PTPRS: variants seen among roughly 807,000 people sequenced by gnomAD.
PTPRS encodes the protein protein tyrosine phosphatase receptor type S.
In PTPRS, 63 loss-of-function variants were observed where a neutral mutation model predicts 215.3. The ratio of observed to expected loss-of-function variants is 0.29; its 90% CI spans 0.24 to 0.36. The LOEUF is 0.36. PTPRS is among the 10% of genes least tolerant of loss of function. The probability of loss-of-function intolerance (pLI) is 1.00; values close to 1 mark genes in which losing one functional copy is unlikely to be tolerated. For missense variants in PTPRS, 2,258 were observed against 2,825.8 expected (o/e 0.80, Z 4.56); for synonymous variants, 1,404 against 1,191.4 (o/e 1.18, Z -3.68).
chr19:5,258,039 TGAG>T lies in PTPRS; in HGVS notation c.681_683del (p.Ser228del). 1 of 1,613,932 alleles carries T rather than the reference TGAG, an allele frequency of 6.2e-7. No homozygotes were observed. Among genetic ancestry groups the T allele is most frequent in the Non-Finnish European group, 8.5e-7 (1 of 1,179,942 alleles). The stretch of plus-strand genomic sequence containing the variant: ...TACCTCGCACGTAGAGGTTGGCAGG[TGAG>T]GAGTAGCGCACGCCGGCGCTGTTGG... On this transcript the variant is annotated inframe_deletion, in exon 8 of 38. Transcript: ENST00000262963.
chr19:5,336,259 GA>G (rs1319300483), intron 1 of PTPRS, among the ~76,000 whole-genome samples: 2 of 89,276 alleles, frequency 2.2e-5, no homozygotes, highest in Non-Finnish European at 4.2e-5. Context: ...TTCCTTAAAG[GA>G]AAAGGGGGGG....
intron 1 of PTPRS, among the ~76,000 whole-genome samples, chr19:5,322,459 G>T (rs923564999): frequency 3.3e-5 from 5 of 152,150 alleles, no homozygotes; most frequent in African/African-American, 1.2e-4. Context: ...TGCGGGGGTG[G>T]GAGGAAGAAG....
At chr19:5,245,754 G>C in intron 10 of PTPRS, 22 bp downstream of exon 10, 2 of 1,542,494 alleles carry the variant, frequency 1.3e-6, no homozygotes, top group Non-Finnish European at 1.8e-6. Context: ...CTCCACCTAC[G>C]AGCCCCATGG....
intron 2 of PTPRS, among the ~76,000 whole-genome samples, chr19:5,285,788 T>G (rs551045143): frequency 3.3e-5 from 5 of 152,166 alleles, no homozygotes; most frequent in Non-Finnish European, 4.4e-5. Flanking sequence ...TGGGGCTGAG[T>G]TGATGCTGGG....
At chr19:5,323,750 G>A (rs968864189) in intron 1 of PTPRS, among the ~76,000 whole-genome samples, 4 of 152,230 alleles carry the variant, frequency 2.6e-5, no homozygotes, top group Non-Finnish European at 5.9e-5. Flanking sequence ...TTTCCCCCAA[G>A]AGGTGAGAGC....
rs1412063527 is a variant in PTPRS at position 5,222,674 on chromosome 19, T to C, written c.3103+15A>G. On this transcript the variant is annotated intron_variant, in intron 18 of 37. Coordinates refer to ENST00000262963, the MANE Select transcript of PTPRS (RefSeq NM_002850.4). ...GCCCGGTCCGGCTCTGGTGCAGGGG[T>C]CGCCGCGCGCCTACCTTGGTCCCGC... The C allele has an allele frequency of 1.3e-6, 2 of 1,541,940 alleles. No individual in the cohort carries two copies. Among genetic ancestry groups the C allele is most frequent in the East Asian group, 2.4e-5 (1 of 42,354 alleles).
intron 1 of PTPRS, among the ~76,000 whole-genome samples, chr19:5,308,372 C>A (rs1253182425): frequency 6.6e-6 from 1 of 152,166 alleles, no homozygotes; most frequent in East Asian, 1.9e-4. Context: ...CATCCATCGT[C>A]CCCCCAGACT....
intron 1 of PTPRS, among the ~76,000 whole-genome samples, chr19:5,333,889 G>A (rs149261827): frequency 2.2e-4 from 34 of 152,242 alleles, no homozygotes; most frequent in East Asian, 1.2e-3. Flanking sequence ...ATGCATGCTC[G>A]CTCGCACACC....
chr19:5,239,389 AG>A (rs1193677322), intron 12 of PTPRS, among the ~76,000 whole-genome samples: 2 of 151,492 alleles, frequency 1.3e-5, no homozygotes, highest in African/African-American at 2.4e-5. Flanking sequence ...ATAGAGACAG[AG>A]GGACACAGTG....
intron 4 of PTPRS, among the ~76,000 whole-genome samples, chr19:5,266,527 C>T (rs553032703): frequency 1.1e-4 from 16 of 152,066 alleles, no homozygotes; most frequent in South Asian, 1.0e-3. Flanking sequence ...ACTCCACGCC[C>T]GGCTAATTTT....
At chr19:5,243,203 T>C (rs2044197168) in intron 11 of PTPRS, among the ~76,000 whole-genome samples, 1 of 151,908 alleles carries the variant, frequency 6.6e-6, no homozygotes, top group Non-Finnish European at 1.5e-5. Context: ...GGTGCGATCT[T>C]GGCTCATTGC....
At chr19:5,314,296 C>G (rs1319859793) in intron 1 of PTPRS, among the ~76,000 whole-genome samples, 1 of 152,206 alleles carries the variant, frequency 6.6e-6, no homozygotes, top group East Asian at 1.9e-4. Flanking sequence ...TCATGCTGAG[C>G]AGCACGAACT....
chr19:5,212,864 T>C (rs1271396403), intron 30 of PTPRS, among the ~76,000 whole-genome samples: 3 of 150,120 alleles, frequency 2.0e-5, no homozygotes, highest in Admixed American at 6.6e-5. Context: ...CACCCATGTC[T>C]GCGCCTCCCA....
At chr19:5,316,381 GTTTT>G (rs111979011) in intron 1 of PTPRS, among the ~76,000 whole-genome samples, 4,754 of 151,440 alleles carry the variant, frequency 0.031, 102 homozygotes, top group Middle Eastern at 0.075. Context: ...TGCTGATTGG[GTTTT>G]TTTTTCTTTC....
At position 5,239,026 on chromosome 19, in the gene PTPRS, A is replaced by C; in HGVS notation, c.1742T>G (p.Val581Gly). 6.2e-7 allele frequency: 1 copy of C among 1,613,498 alleles called. No individual in the cohort carries two copies. Among genetic ancestry groups the C allele is most frequent in the Non-Finnish European group, 8.5e-7 (1 of 1,179,830 alleles). ...CTCCGTGTTGGGCTTCAGGTCCTCC[A>C]CCACGTAGGAAGTCGTCGGGTCGAA... ...RTFDPTTSYV[V>G]EDLKPNTEYA... The change falls in exon 13 of 38, where the codon GTG becomes GGG. Residue 581 changes from valine to glycine, a missense_variant. By Grantham distance (109) the Val-to-Gly change is moderately radical. Coordinates refer to ENST00000262963, the MANE Select transcript of PTPRS (RefSeq NM_002850.4).
In PTPRS at chr19:5,245,763, G is replaced by A. The variant is rs748047372; in HGVS notation, c.988+13C>T. ...CTGCCCCTCCACCTACGAGCCCCAT[G>A]GGCCCTGCTCACATTTCACCGTGAT... On this transcript the variant is annotated intron_variant, in intron 10 of 37. Coordinates refer to ENST00000262963, the MANE Select transcript of PTPRS (RefSeq NM_002850.4). The A allele has an allele frequency of 4.5e-6, 7 of 1,564,818 alleles. No individual in the cohort carries two copies. In the East Asian group the frequency reaches 1.6e-4, roughly 36 times the overall value.
chr19:5,331,002 A>G (rs1379454023), intron 1 of PTPRS, among the ~76,000 whole-genome samples: 1 of 152,060 alleles, frequency 6.6e-6, no homozygotes, highest in Non-Finnish European at 1.5e-5. Context: ...CCCATTAGCA[A>G]TCTAAGCGTT....
intron 1 of PTPRS, among the ~76,000 whole-genome samples, chr19:5,320,636 G>A (rs1164460117): frequency 2.0e-5 from 3 of 152,002 alleles, no homozygotes; most frequent in Non-Finnish European, 4.4e-5. Flanking sequence ...ATGTTGATCA[G>A]GCTGGTCTTG....
intron 20 of PTPRS, 84 bp downstream of exon 20, chr19:5,220,916 C>G: frequency 6.8e-7 from 1 of 1,474,412 alleles, no homozygotes; most frequent in South Asian, 1.3e-5. Context: ...GAAATTGAGG[C>G]ACAGAGAGGG....
Sources: allele counts gnomAD v4.1 joint callset (sites outside exome capture counted in the v4.1 genomes callset), GRCh38; gene constraint gnomAD v4.1.1; transcripts MANE v1.5; gene names NCBI Gene and HGNC (gene_info 2026-07-23, HGNC 2026-07-21).